RORA: variants seen among roughly 807,000 people sequenced by gnomAD.
RORA encodes RAR related orphan receptor A, also known as nuclear receptor ROR-alpha.
RORA carries 7 observed loss-of-function variants against 69.5 expected under a neutral mutation model. The ratio of observed to expected loss-of-function variants is 0.10; its 90% CI spans 0.06 to 0.19. The LOEUF (loss-of-function observed/expected upper bound fraction) is 0.19, where lower values mean the gene tolerates loss of function less well. Among genes scored for constraint, RORA ranks in the 10% least tolerant of loss-of-function variants. The probability of loss-of-function intolerance (pLI) is 1.00; values close to 1 mark genes in which losing one functional copy is unlikely to be tolerated. For missense variants in RORA, 457 were observed against 663.0 expected, an observed-to-expected ratio of 0.69 and a Z score of 3.41; for synonymous variants, 261 against 240.8, an observed-to-expected ratio of 1.08 and a Z score of -0.78.
intron 1 of RORA, among the ~76,000 whole-genome samples, chr15:61,003,924 C>A (rs1035382092): frequency 1.3e-5 from 2 of 151,988 alleles, no homozygotes; most frequent in African/African-American, 4.8e-5. Flanking sequence ...CTTGGATACA[C>A]CGCTGTTTCC....
chr15:60,585,752 T>A (rs2068316849), intron 2 of RORA, among the ~76,000 whole-genome samples: 1 of 152,082 alleles, frequency 6.6e-6, no homozygotes, highest in Non-Finnish European at 1.5e-5. Flanking sequence ...AGTTAAAAAT[T>A]TTTTTTCCTT....
chr15:60,637,659 T>C (rs1247866397), intron 2 of RORA, among the ~76,000 whole-genome samples: 4 of 152,160 alleles, frequency 2.6e-5, no homozygotes, highest in South Asian at 4.1e-4. Flanking sequence ...AATTTATTAC[T>C]TTTTCCCCAC....
Position 61,054,819 on chromosome 15 carries a change from G to GT in RORA, c.166+174233dup, listed in dbSNP as rs1202194378. On this transcript the variant is annotated intron_variant, in intron 1 of 10. Transcript: ENST00000335670. ...TTAAAACAGTTTTTTTTTGTTTTTT[G>GT]TTTTTTGTTTTTTTTTTTTTTGGTG... Among the ~76,000 whole-genome samples the GT allele has an allele frequency of 9.5e-5, 13 of 136,860 alleles. No individual in the cohort carries two copies. In the East Asian group the frequency reaches 1.1e-3, roughly 12 times the overall value. 89.8% of individuals were successfully genotyped at this position (136,860 alleles called of 152,430 possible). A position where few individuals can be genotyped will look rare whatever the true frequency, so the allele number is the denominator to read the frequency against.
chr15:60,606,070 A>T (rs2068939025), intron 2 of RORA, among the ~76,000 whole-genome samples: 1 of 152,220 alleles, frequency 6.6e-6, no homozygotes, highest in Non-Finnish European at 1.5e-5. Context: ...GTTCTAATTG[A>T]ATCAAGGCTA....
At chr15:61,013,813 T>C (rs1374382569) in intron 1 of RORA, among the ~76,000 whole-genome samples, 4 of 125,970 alleles carry the variant, frequency 3.2e-5, no homozygotes, top group Non-Finnish European at 6.3e-5. Flanking sequence ...GGAGGGTGTC[T>C]CGCTCGGTTG....
intron 1 of RORA, among the ~76,000 whole-genome samples, chr15:61,120,778 T>C (rs1488168011): frequency 2.6e-5 from 4 of 151,476 alleles, no homozygotes; most frequent in Admixed American, 2.6e-4. Context: ...TAGATTCCAC[T>C]ATATACTACG....
intron 2 of RORA, among the ~76,000 whole-genome samples, chr15:60,626,480 C>T (rs1024991812): frequency 6.6e-6 from 1 of 152,194 alleles, no homozygotes; most frequent in African/African-American, 2.4e-5. Flanking sequence ...TATGAGTAGC[C>T]GCGTTCTCAT....
intron 2 of RORA, chr15:60,556,965 A>G: frequency 1.9e-6 from 3 of 1,545,346 alleles, no homozygotes; most frequent in East Asian, 2.2e-5. Flanking sequence ...TAAAGGACAA[A>G]GAAAAGATTT....
chr15:60,541,546 T>C (rs1472686020), intron 2 of RORA, among the ~76,000 whole-genome samples: 1 of 152,214 alleles, frequency 6.6e-6, no homozygotes, highest in African/African-American at 2.4e-5. Context: ...TCTGTGCCTA[T>C]TCCCAAGGGG....
intron 1 of RORA, among the ~76,000 whole-genome samples, chr15:60,684,536 G>A (rs939210819): frequency 6.6e-6 from 1 of 152,184 alleles, no homozygotes; most frequent in African/African-American, 2.4e-5. Flanking sequence ...AGAATCACTT[G>A]AACCTGGGAG....
intron 1 of RORA, among the ~76,000 whole-genome samples, chr15:60,967,300 G>A (rs1047914196): frequency 3.9e-5 from 6 of 152,032 alleles, no homozygotes; most frequent in South Asian, 2.1e-4. Flanking sequence ...ATGTTTTCAC[G>A]TATCATGTGT....
intron 1 of RORA, among the ~76,000 whole-genome samples, chr15:60,888,083 C>T (rs1462706365): frequency 6.6e-6 from 1 of 152,242 alleles, no homozygotes; most frequent in Admixed American, 6.5e-5. Flanking sequence ...TCAACCTCCC[C>T]TTTGTTCACC....
intron 2 of RORA, among the ~76,000 whole-genome samples, chr15:60,576,615 G>A (rs937960744): frequency 3.3e-5 from 5 of 152,242 alleles, no homozygotes; most frequent in Non-Finnish European, 7.3e-5. Context: ...TAATGGAACT[G>A]ATTCTGCCAA....
chr15:61,022,409 G>C (rs1039276231), intron 1 of RORA, among the ~76,000 whole-genome samples: 4 of 152,184 alleles, frequency 2.6e-5, no homozygotes, highest in African/African-American at 9.7e-5. Flanking sequence ...AGGAAGATAA[G>C]TTTGGATTGT....
intron 2 of RORA, among the ~76,000 whole-genome samples, chr15:60,618,362 T>C (rs929797769): frequency 1.1e-4 from 17 of 152,162 alleles, no homozygotes; most frequent in Non-Finnish European, 1.9e-4. Flanking sequence ...TACAGATACA[T>C]GTAGCAGGTG....
intron 1 of RORA, among the ~76,000 whole-genome samples, chr15:60,924,096 C>T (rs1055035994): frequency 2.6e-5 from 4 of 152,166 alleles, no homozygotes; most frequent in Admixed American, 6.5e-5. Context: ...GCTCTCCTCT[C>T]TCCTGCCCTC....
chr15:61,087,057 G>C (rs1265467117), intron 1 of RORA, among the ~76,000 whole-genome samples: 1 of 152,098 alleles, frequency 6.6e-6, no homozygotes, highest in African/African-American at 2.4e-5. Flanking sequence ...TGTAGTCCTA[G>C]CTACTCAAGA....
intron 1 of RORA, among the ~76,000 whole-genome samples, chr15:60,924,760 G>C (rs1297517478): frequency 6.6e-6 from 1 of 152,190 alleles, no homozygotes; most frequent in Non-Finnish European, 1.5e-5. Flanking sequence ...ATTATTGATA[G>C]GACACATTAC....
At chr15:61,209,989 A>G (rs1278205355) in intron 1 of RORA, among the ~76,000 whole-genome samples, 7 of 152,242 alleles carry the variant, frequency 4.6e-5, no homozygotes, top group Non-Finnish European at 1.0e-4. Context: ...ACCAGTCCCT[A>G]ACTTTCTAAA....
Sources: gnomAD v4.1 joint callset for allele counts (sites outside exome capture counted in the v4.1 genomes callset) on GRCh38, gnomAD v4.1.1 for gene constraint, MANE v1.5 for transcripts, NCBI Gene and HGNC (gene_info 2026-07-23, HGNC 2026-07-21) for gene names.